Variants in SDR9C7 observed in about 807,000 individuals in gnomAD.
SDR9C7 encodes the protein short-chain dehydrogenase/reductase family 9C member 7.
A neutral mutation model predicts 23.6 loss-of-function variants in SDR9C7; 11 were observed. The ratio of observed to expected loss-of-function variants is 0.47; its 90% CI spans 0.29 to 0.77. The LOEUF (loss-of-function observed/expected upper bound fraction) is 0.77, where lower values mean the gene tolerates loss of function less well. SDR9C7 is among the 30% of genes least tolerant of loss of function. SDR9C7 has a pLI of 0.09. For synonymous variants in SDR9C7, 167 were observed against 157.3 expected (o/e 1.06, Z -0.46); for missense variants, 387 against 407.1 (o/e 0.95, Z 0.42).
chr12:56,933,961 C>G lies in SDR9C7; in HGVS notation c.301G>C (p.Gly101Arg). Residue 101 changes from glycine to arginine, a missense_variant and splice_region_variant, in exon 1 of 4, where the codon GGC becomes CGC. Transcript: ENST00000293502. ...AGCCAAAGAATGTAATTCGCCCCAC[C>G]TTGTTCGCCCACTTTGTCCCTCACC... ...QWVRDKVGEQ[G>R]LWALVNNAGV... The G allele has an allele frequency of 6.2e-7, 1 of 1,603,578 alleles. No homozygotes were observed. The highest frequency in any genetic ancestry group is 8.5e-7 in the Non-Finnish European group (1 of 1,171,832).
chr12:56,930,958 G>A (rs773444896), intron 1 of SDR9C7, among the ~76,000 whole-genome samples: 16 of 152,300 alleles, frequency 1.1e-4, no homozygotes, highest in Non-Finnish European at 2.1e-4. Flanking sequence ...GAGGCCAGGT[G>A]CAGTGACTCA....
At position 56,925,796 on chromosome 12, in the gene SDR9C7, C is replaced by T. The variant is rs142062267; in HGVS notation, c.725-1746G>A. ...CAGGATGCCCAGGAGGCTCTCTCTG[C>T]CCCCTCGGCGCCAGGGAAAGCTTTG... On this transcript the variant is annotated intron_variant, in intron 3 of 3. Coordinates refer to ENST00000293502, the MANE Select transcript of SDR9C7 (RefSeq NM_148897.3). Among the ~76,000 whole-genome samples, 317 of 152,268 alleles carry T rather than the reference C, an allele frequency of 2.1e-3. 2 individuals are homozygous for T. Among genetic ancestry groups the T allele is most frequent in the African/African-American group, 7.2e-3 (301 of 41,536 alleles).
intron 3 of SDR9C7, among the ~76,000 whole-genome samples, chr12:56,925,469 G>T (rs747240452): frequency 6.6e-6 from 1 of 152,214 alleles, no homozygotes; most frequent in Non-Finnish European, 1.5e-5. Context: ...GAATGGTCCA[G>T]GCAGGCAAGG....
In SDR9C7 at chr12:56,930,252, G is replaced by A. The variant is rs377419241; in HGVS notation, c.534C>T (p.Gly178=). 9.9e-6 allele frequency: 16 copies of A among 1,613,918 alleles called. No individual in the cohort carries two copies. The highest frequency in any genetic ancestry group is 1.7e-5 in the Admixed American group (1 of 59,988). The change falls in exon 2 of 4, where the codon GGC becomes GGT. Residue 178 remains glycine (G), a synonymous_variant. Transcript: ENST00000293502. ...TTATGCTGTCAGAGAAGGCCTCAAC[G>A]CCAAACTTGGAGACGCAGTAGCCAC... The part of the protein sequence containing the change: ...IGGGYCVSKF[G]VEAFSDSIRR...
intron 3 of SDR9C7, 96 bp downstream of exon 3, chr12:56,929,294 G>T: frequency 1.6e-6 from 2 of 1,266,376 alleles, no homozygotes; most frequent in Non-Finnish European, 2.3e-6. Flanking sequence ...GAACTCCTCT[G>T]CATTTTGTCT....
intron 1 of SDR9C7, among the ~76,000 whole-genome samples, chr12:56,932,717 C>T (rs1350260803): frequency 5.3e-5 from 8 of 152,180 alleles, no homozygotes; most frequent in Admixed American, 5.2e-4. Context: ...CAGTACCTTA[C>T]TAGGTGCCAG....
rs774100146 is a variant in SDR9C7 at position 56,933,999 on chromosome 12, G to A, written c.263C>T (p.Ala88Val). ...LDVTKSESIK[A>V]AAQWVRDKVG... ...TTTGTCCCTCACCCACTGGGCCGCC[G>A]CCTTGATGCTTTCGCTCTTGGTGAC... The change falls in exon 1 of 4, where the codon GCG becomes GTG. Residue 88 changes from alanine (A) to valine (V), a missense_variant. Transcript: ENST00000293502. The A allele has an allele frequency of 7.4e-6, 12 of 1,612,356 alleles. No individual in the cohort carries two copies. Among genetic ancestry groups the A allele is most frequent in the African/African-American group, 2.7e-5 (2 of 74,898 alleles).
In SDR9C7 at chr12:56,934,025, A is replaced by C. The variant is rs1955783327; in HGVS notation, c.237T>G (p.Asp79Glu). The C allele has an allele frequency of 6.2e-7, 1 of 1,614,032 alleles. No individual in the cohort carries two copies. Among genetic ancestry groups the C allele is most frequent in the Non-Finnish European group, 8.5e-7 (1 of 1,180,010 alleles). The change falls in exon 1 of 4, where the codon GAT (aspartate) becomes GAG (glutamate). Residue 79 changes from aspartate to glutamate, a missense_variant. Transcript: ENST00000293502. Reference sequence around the variant, plus strand: ...CCTTGATGCTTTCGCTCTTGGTGACATCCAGTAGGGTGGTCTGCAGCCGAT... The same window carrying C: ...CCTTGATGCTTTCGCTCTTGGTGACCTCCAGTAGGGTGGTCTGCAGCCGAT... ...TSYRLQTTLL[D>E]VTKSESIKAA...
At chr12:56,924,112 G>A (rs1284402370) in intron 3 of SDR9C7, 62 bp from the exon 4 acceptor site, 14 of 1,212,146 alleles carry the variant, frequency 1.2e-5, no homozygotes, top group South Asian at 5.5e-5. Flanking sequence ...GGCTTCTTCC[G>A]AATTCCATCC....
At chr12:56,933,810 G>T (rs1955781811) in intron 1 of SDR9C7, 151 bp downstream of exon 1, 2 of 904,612 alleles carry the variant, frequency 2.2e-6, no homozygotes, top group Non-Finnish European at 3.3e-6. Context: ...CCATGCAGTG[G>T]CTTCCAATCA....
chr12:56,934,279 A>G lies in SDR9C7; in HGVS notation c.-18T>C. ...GCCGCCATAGGGCAAGGGGAATGTG[A>G]TGGCCAAGAGGGACTGGGCTCAGGA... On this transcript the variant is annotated 5_prime_UTR_variant, in exon 1 of 4. Coordinates refer to ENST00000293502, the MANE Select transcript of SDR9C7 (RefSeq NM_148897.3). The G allele has an allele frequency of 6.2e-7, 1 of 1,603,506 alleles. No individual in the cohort carries two copies. Among genetic ancestry groups the G allele is most frequent in the Non-Finnish European group, 8.5e-7 (1 of 1,173,934 alleles).
chr12:56,933,857 C>T lies in SDR9C7; in HGVS notation c.301+104G>A, dbSNP rs2136370960. ...GGGCCTTTCCCTACATCACCCCTCC[C>T]ACCCAATCTGGACATCAGGGTCTCT... On this transcript the variant is annotated intron_variant, in intron 1 of 3. Transcript: ENST00000293502. The T allele has an allele frequency of 2.2e-6, 3 of 1,380,186 alleles. No homozygotes were observed. In the East Asian group the frequency reaches 6.9e-5, roughly 32 times the overall value. The allele number at this position is 1,380,186 out of a possible 1,614,324, so 85.5% of individuals were successfully genotyped here.
At chr12:56,924,653 G>T (rs923368220) in intron 3 of SDR9C7, among the ~76,000 whole-genome samples, 2 of 152,128 alleles carry the variant, frequency 1.3e-5, no homozygotes, top group African/African-American at 2.4e-5. Context: ...GGGCATAGTG[G>T]CTCAGGCCTG....
At chr12:56,924,875 C>T (rs910770483) in intron 3 of SDR9C7, among the ~76,000 whole-genome samples, 4 of 152,238 alleles carry the variant, frequency 2.6e-5, no homozygotes, top group East Asian at 3.9e-4. Flanking sequence ...GACCCAAGAT[C>T]GCGCCACTGC....
chr12:56,930,803 C>A (rs1327020599), intron 1 of SDR9C7, among the ~76,000 whole-genome samples: 1 of 152,192 alleles, frequency 6.6e-6, no homozygotes, highest in Non-Finnish European at 1.5e-5. Flanking sequence ...ATGTTTAGAT[C>A]CCTTCCCCAT....
chr12:56,923,296 G>C lies in SDR9C7; in HGVS notation c.*537C>G, dbSNP rs1360811963. 1 of 152,326 alleles carries C rather than the reference G, an allele frequency of 6.6e-6. No individual in the cohort carries two copies. The highest frequency in any genetic ancestry group is 1.5e-5 in the Non-Finnish European group (1 of 68,162). 9.4% of individuals were successfully genotyped at this position (152,326 alleles called of 1,614,324 possible). ...GGATCCCAATAACCTATAGATAGAA[G>C]AATCTAAAAAGAAAGAAAATATTTT... is the stretch of plus-strand genomic sequence containing the variant. On this transcript the variant is annotated 3_prime_UTR_variant, in exon 4 of 4. Coordinates refer to ENST00000293502, the MANE Select transcript of SDR9C7 (RefSeq NM_148897.3).
chr12:56,931,479 T>G (rs1955767750), intron 1 of SDR9C7, among the ~76,000 whole-genome samples: 1 of 152,044 alleles, frequency 6.6e-6, no homozygotes, highest in Non-Finnish European at 1.5e-5. Flanking sequence ...TGGAAAGAAA[T>G]AATGCTAAGT....
chr12:56,932,208 C>CA (rs35668586), intron 1 of SDR9C7, among the ~76,000 whole-genome samples: 111,857 of 152,128 alleles, frequency 0.74, 42,384 homozygotes, highest in African/African-American at 0.93. Flanking sequence ...GAAGCTAACA[C>CA]GGGAAATTAT....
rs183775940 is a variant in SDR9C7 at position 56,929,605 on chromosome 12, G to A, written c.561-52C>T. The stretch of plus-strand genomic sequence containing the variant: ...TGGGCCCCAAGATGACAATCATCAC[G>A]GAGAGTCACCTCTGGATGGGCTGGT... On this transcript the variant is annotated intron_variant, in intron 2 of 3. Transcript: ENST00000293502. 2.0e-5 allele frequency: 31 copies of A among 1,576,574 alleles called. No homozygotes were observed. The East Asian group carries it at 4.1e-4, about 21-fold the overall frequency.
Sources: allele counts gnomAD v4.1 joint callset (sites outside exome capture counted in the v4.1 genomes callset), GRCh38; gene constraint gnomAD v4.1.1; transcripts MANE v1.5; gene names NCBI Gene and HGNC (gene_info 2026-07-23, HGNC 2026-07-21).